Variants in ATXN10 observed in about 807,000 individuals in gnomAD.
ATXN10 encodes ataxin 10.
Under a neutral mutation model 52.9 loss-of-function variants are expected in ATXN10, and 28 were observed. The ratio of observed to expected loss-of-function variants is 0.53; its 90% CI spans 0.39 to 0.73. ATXN10 has a LOEUF of 0.73. Ranked by LOEUF, ATXN10 falls within the 30% of genes least tolerant of loss-of-function variation. The pLI is 0.00. For synonymous variants in ATXN10, 226 were observed against 221.5 expected (o/e 1.02, Z -0.18); for missense variants, 565 against 577.0 (o/e 0.98, Z 0.21).
At chr22:45,806,688 A>G (rs942007172) in intron 9 of ATXN10, among the ~76,000 whole-genome samples, 2 of 152,256 alleles carry the variant, frequency 1.3e-5, no homozygotes, top group African/African-American at 4.8e-5. Flanking sequence ...CTGGTGAACA[A>G]TGTTAGGAAG....
intron 1 of ATXN10, among the ~76,000 whole-genome samples, chr22:45,687,402 C>T (rs1184675569): frequency 6.6e-6 from 1 of 152,122 alleles, no homozygotes; most frequent in Non-Finnish European, 1.5e-5. Flanking sequence ...CAGGGAAGAC[C>T]ATTCACGGGG....
chr22:45,796,697 C>T (rs923687193), intron 9 of ATXN10, among the ~76,000 whole-genome samples: 8 of 152,180 alleles, frequency 5.3e-5, no homozygotes, highest in Admixed American at 2.6e-4. Context: ...GGGGTTTCAC[C>T]GTGTTGGTCA....
Position 45,823,666 on chromosome 22 carries a change from A to G in ATXN10, c.1237+16644A>G, listed in dbSNP as rs1296939121. On this transcript the variant is annotated intron_variant, in intron 10 of 11. Transcript: ENST00000252934. This position sits in a 1 kb window ranked among gnomAD's most constrained non-coding sequence, Gnocchi z 4.9. ...TTTTGAATGTTAACCAACTTTTCAT[A>G]TATTATCCTTCTTATATGTTGCTGG... Among the ~76,000 whole-genome samples, 1 of 152,134 alleles carries G rather than the reference A, an allele frequency of 6.6e-6. No homozygotes were observed.
At chr22:45,793,420 T>G in intron 9 of ATXN10, 1 of 444,888 alleles carries the variant, frequency 2.2e-6, no homozygotes. Flanking sequence ...ATCTACTGCA[T>G]TTCAATAAGG....
chr22:45,812,810 G>A (rs1480947278), intron 10 of ATXN10, among the ~76,000 whole-genome samples: 1 of 152,144 alleles, frequency 6.6e-6, no homozygotes, highest in Admixed American at 6.5e-5. Flanking sequence ...GTCTACCCGT[G>A]CCCCATGGGA....
intron 9 of ATXN10, among the ~76,000 whole-genome samples, chr22:45,746,353 G>A (rs559846555): frequency 1.3e-5 from 2 of 150,186 alleles, no homozygotes; most frequent in East Asian, 2.0e-4. Context: ...TTCAAGCAGC[G>A]TATTTGTCTG....
rs1428840724 is a variant in ATXN10, at chr22:45,781,346, G to A, written c.1174-25613G>A. Among the ~76,000 whole-genome samples, 2 of 152,146 alleles carry A rather than the reference G, an allele frequency of 1.3e-5. No individual in the cohort carries two copies. The highest frequency in any genetic ancestry group is 4.8e-5 in the African/African-American group (2 of 41,416). ...ACTGTCAGCAGAGACCGAGTAGGGA[G>A]CATGAACAACCAGCTCTGCCCAGCA... On this transcript the variant is annotated intron_variant, in intron 9 of 11. Coordinates refer to ENST00000252934, the MANE Select transcript of ATXN10 (RefSeq NM_013236.4). The surrounding 1 kb of genome is among the most constrained non-coding windows in gnomAD (Gnocchi z 4.2).
In ATXN10 at chr22:45,843,704, A is replaced by C. The variant is rs748442707; in HGVS notation, c.*33A>C. ...ACATCCAAATACCTGAATTTTTGGA[A>C]TCTGTTTCATGGATTTTTCATCTTC... On this transcript the variant is annotated 3_prime_UTR_variant, in exon 12 of 12. Transcript: ENST00000252934. This position sits in a 1 kb window ranked among gnomAD's most constrained non-coding sequence, Gnocchi z 4.5. 2.2e-5 allele frequency: 35 copies of C among 1,602,816 alleles called. 1 individual carries two copies. The South Asian group carries it at 3.5e-4, about 16-fold the overall frequency.
At position 45,715,909 on chromosome 22, in the gene ATXN10, AAG is replaced by A. The variant is rs1345820601; in HGVS notation, c.648-2502_648-2501del. On this transcript the variant is annotated intron_variant, in intron 5 of 11. Transcript: ENST00000252934. This position sits in a 1 kb window ranked among gnomAD's most constrained non-coding sequence, Gnocchi z 4.4. ...AACACATCTGATTGATTTGTCAAAA[AAG>A]AAATCACAGGCAAATTAGAAAATAT... is the stretch of plus-strand genomic sequence containing the variant. 6.6e-6 allele frequency among the ~76,000 whole-genome samples: 1 copy of A among 152,212 alleles called. No homozygotes were observed. Among genetic ancestry groups the A allele is most frequent in the African/African-American group, 2.4e-5 (1 of 41,458 alleles).
intron 6 of ATXN10, among the ~76,000 whole-genome samples, chr22:45,725,395 C>T (rs1442537903): frequency 6.9e-6 from 1 of 144,160 alleles, no homozygotes; most frequent in East Asian, 2.0e-4. Flanking sequence ...TATTTCCAGG[C>T]ATTTGATTTT....
chr22:45,730,082 A>T (rs1394480840), intron 7 of ATXN10, among the ~76,000 whole-genome samples: 1 of 152,156 alleles, frequency 6.6e-6, no homozygotes, highest in Non-Finnish European at 1.5e-5. Context: ...GGTGCCTCAC[A>T]CCTGTAACCC....
In ATXN10 at chr22:45,820,253, G is replaced by A. The variant is rs773705642; in HGVS notation, c.1237+13231G>A. On this transcript the variant is annotated intron_variant, in intron 10 of 11. Coordinates refer to ENST00000252934, the MANE Select transcript of ATXN10 (RefSeq NM_013236.4). This position sits in a 1 kb window ranked among gnomAD's most constrained non-coding sequence, Gnocchi z 4.9. ...TCCTTATCCAGGAAATGAAAAGGCC[G>A]TGTGCTACGGTGGGACCACCAACCT... is the stretch of plus-strand genomic sequence containing the variant. Among the ~76,000 whole-genome samples the A allele has an allele frequency of 2.0e-4, 30 of 152,180 alleles. No homozygotes were observed. Among genetic ancestry groups the A allele is most frequent in the Admixed American group, 1.2e-3 (18 of 15,278 alleles).
In ATXN10 at chr22:45,689,920, C is replaced by T; in HGVS notation, c.308+17C>T. On this transcript the variant is annotated intron_variant, in intron 2 of 11. Coordinates refer to ENST00000252934, the MANE Select transcript of ATXN10 (RefSeq NM_013236.4). ...TTCAATCAGGTAGTTACACACGTAC[C>T]TTGGATTCTGTTTCTTTGTATATGT... The T allele has an allele frequency of 6.2e-7, 1 of 1,612,156 alleles. No individual in the cohort carries two copies. The highest frequency in any genetic ancestry group is 1.1e-5 in the South Asian group (1 of 91,054).
chr22:45,755,846 A>G (rs1044861520), intron 9 of ATXN10, among the ~76,000 whole-genome samples: 1 of 152,150 alleles, frequency 6.6e-6, no homozygotes, highest in Non-Finnish European at 1.5e-5. Context: ...CCTAGATGGG[A>G]ACATATTATC....
intron 9 of ATXN10, among the ~76,000 whole-genome samples, chr22:45,804,269 G>A (rs1482536341): frequency 2.0e-5 from 3 of 152,152 alleles, no homozygotes; most frequent in African/African-American, 7.2e-5. Context: ...ATCTGTAAAA[G>A]GGAACCAATA....
rs1351664903 is a variant in ATXN10 at position 45,750,783 on chromosome 22, A to G, written c.1173+10245A>G. Among the ~76,000 whole-genome samples, 1 of 152,206 alleles carries G rather than the reference A, an allele frequency of 6.6e-6. No individual in the cohort carries two copies. Among genetic ancestry groups the G allele is most frequent in the South Asian group, 2.1e-4 (1 of 4,826 alleles). On this transcript the variant is annotated intron_variant, in intron 9 of 11. Transcript: ENST00000252934. This position sits in a 1 kb window ranked among gnomAD's most constrained non-coding sequence, Gnocchi z 4.2. Reference sequence around the variant, plus strand: ...CCAGGAGAAGTTATACGAATTTACCATGTGATAAGGATAATCCAGCAACCC... The same window carrying G: ...CCAGGAGAAGTTATACGAATTTACCGTGTGATAAGGATAATCCAGCAACCC...
intron 10 of ATXN10, among the ~76,000 whole-genome samples, chr22:45,821,610 A>G (rs1928652849): frequency 6.6e-6 from 1 of 152,170 alleles, no homozygotes; most frequent in African/African-American, 2.4e-5. Flanking sequence ...AGTCTCTCTC[A>G]TCCATCTTAG....
intron 9 of ATXN10, among the ~76,000 whole-genome samples, chr22:45,746,770 A>G (rs1023694215): frequency 6.6e-6 from 1 of 151,758 alleles, no homozygotes; most frequent in Non-Finnish European, 1.5e-5. Flanking sequence ...TCCTCACTAT[A>G]CTCTTCTGCC....
chr22:45,718,978 A>G lies in ATXN10; in HGVS notation c.728+485A>G, dbSNP rs1924549336. On this transcript the variant is annotated intron_variant, in intron 6 of 11. Coordinates refer to ENST00000252934, the MANE Select transcript of ATXN10 (RefSeq NM_013236.4). This position sits in a 1 kb window ranked among gnomAD's most constrained non-coding sequence, Gnocchi z 4.4. The stretch of plus-strand genomic sequence containing the variant: ...AACAGTGACCTAGGAGTTCTAAGAC[A>G]CTGGCCCTGTGCTTTGCTGTGATTA... 6.6e-6 allele frequency among the ~76,000 whole-genome samples: 1 copy of G among 151,900 alleles called. No homozygotes were observed. The highest frequency in any genetic ancestry group is 2.1e-4 in the South Asian group (1 of 4,820).
Sources: gnomAD v4.1 joint callset for allele counts (sites outside exome capture counted in the v4.1 genomes callset) on GRCh38, gnomAD v4.1.1 for gene constraint, Gnocchi (gnomAD v3.1) non-coding constraint, MANE v1.5 for transcripts, NCBI Gene and HGNC (gene_info 2026-07-23, HGNC 2026-07-21) for gene names.